Variants in ZNF507 observed in about 807,000 individuals in gnomAD.
The protein encoded by ZNF507 is zinc finger protein 507.
In ZNF507, 29 loss-of-function variants were observed where a neutral mutation model predicts 80.0. The observed-to-expected ratio is 0.36, with a 90% CI of 0.27 to 0.49. The LOEUF (loss-of-function observed/expected upper bound fraction) is 0.49. Among genes scored for constraint, ZNF507 ranks in the 20% least tolerant of loss-of-function variants. The pLI, the probability that ZNF507 is intolerant of heterozygous loss-of-function variation, is 0.98. For synonymous variants in ZNF507, 462 were observed against 422.5 expected (o/e 1.09, Z -1.15); for missense variants, 1,081 against 1,152.2 (o/e 0.94, Z 0.90).
At chr19:32,367,733 T>TA (rs973406706) in intron 5 of ZNF507, among the ~76,000 whole-genome samples, 3 of 152,092 alleles carry the variant, frequency 2.0e-5, no homozygotes, top group African/African-American at 7.2e-5. Flanking sequence ...GCACTAAAGC[T>TA]AAAAAAATCT....
At chr19:32,373,753 A>C (rs1244293130) in intron 5 of ZNF507, among the ~76,000 whole-genome samples, 1 of 152,216 alleles carries the variant, frequency 6.6e-6, no homozygotes, top group Non-Finnish European at 1.5e-5. Context: ...ATTCATTTAC[A>C]TGTATGTCTA....
chr19:32,349,488 C>CT (rs748705533), intron 2 of ZNF507, among the ~76,000 whole-genome samples: 38 of 152,184 alleles, frequency 2.5e-4, no homozygotes, highest in Admixed American at 4.6e-4. Flanking sequence ...TTTATTTTAC[C>CT]TTGTGTACCA....
intron 3 of ZNF507, 83 bp from the exon 4 acceptor site, chr19:32,356,533 G>A: frequency 5.5e-6 from 5 of 909,952 alleles, no homozygotes; most frequent in Non-Finnish European, 7.0e-6. Flanking sequence ...GGCCATGAAA[G>A]CAATGAACCT....
intron 4 of ZNF507, chr19:32,358,073 T>C (rs529667375): frequency 7.9e-5 from 12 of 152,360 alleles, no homozygotes; most frequent in Admixed American, 5.9e-4. Flanking sequence ...CTTTTCTTTG[T>C]GGCTCATGCT....
intron 2 of ZNF507, 144 bp from the exon 3 acceptor site, chr19:32,352,685 G>A (rs1054744034): frequency 9.6e-6 from 6 of 626,300 alleles, no homozygotes; most frequent in African/African-American, 5.6e-5. Context: ...ACTGGGGATC[G>A]CCGGGTGTGT....
At chr19:32,373,942 C>G (rs1253945068) in intron 5 of ZNF507, among the ~76,000 whole-genome samples, 1 of 152,108 alleles carries the variant, frequency 6.6e-6, no homozygotes, top group African/African-American at 2.4e-5. Flanking sequence ...GCACAATGAC[C>G]AGTCACCAGC....
At chr19:32,367,971 C>T (rs1967421281) in intron 5 of ZNF507, among the ~76,000 whole-genome samples, 1 of 152,168 alleles carries the variant, frequency 6.6e-6, no homozygotes, top group Non-Finnish European at 1.5e-5. Context: ...CAGCCCAGTA[C>T]TTAGGAATAT....
In ZNF507 at chr19:32,354,968, G is replaced by A. The variant is rs200631183; in HGVS notation, c.2127+11G>A. The A allele has an allele frequency of 6.3e-7, 1 of 1,575,634 alleles. No individual in the cohort carries two copies. Among genetic ancestry groups the A allele is most frequent in the East Asian group, 2.2e-5 (1 of 44,454 alleles). ...TCCTTCCATTATAAGGTAAGCATTG[G>A]TTCAGGAAGTCTTTCAGAGGACCTT... On this transcript the variant is annotated intron_variant, in intron 3 of 6. Transcript: ENST00000355898.
chr19:32,361,423 T>C (rs1379049794), intron 5 of ZNF507, among the ~76,000 whole-genome samples: 1 of 152,198 alleles, frequency 6.6e-6, no homozygotes, highest in African/African-American at 2.4e-5. Context: ...TGTATTAATC[T>C]CAATGAAAAC....
chr19:32,355,892 G>A (rs952108366), intron 3 of ZNF507, among the ~76,000 whole-genome samples: 3 of 152,054 alleles, frequency 2.0e-5, no homozygotes, highest in Non-Finnish European at 4.4e-5. Context: ...CCAGCTACTC[G>A]GGAGGCTAAG....
At chr19:32,361,084 A>AT (rs1389240929) in intron 5 of ZNF507, among the ~76,000 whole-genome samples, 1 of 152,206 alleles carries the variant, frequency 6.6e-6, no homozygotes, top group Non-Finnish European at 1.5e-5. Flanking sequence ...TTTCATAGCA[A>AT]TTTTCAATGC....
intron 5 of ZNF507, among the ~76,000 whole-genome samples, chr19:32,374,346 A>C (rs1000373598): frequency 7.9e-5 from 12 of 152,022 alleles, no homozygotes; most frequent in Admixed American, 1.3e-4. Context: ...ACGGAATGTT[A>C]GTTTTGTGGC....
At position 32,374,345 on chromosome 19, in the gene ZNF507, T is replaced by C. The variant is rs115973364; in HGVS notation, c.2361-8122T>C. 8.0e-3 allele frequency among the ~76,000 whole-genome samples: 1,213 copies of C among 152,330 alleles called. 19 individuals are homozygous for C. The highest frequency in any genetic ancestry group is 0.028 in the African/African-American group (1,149 of 41,568). ...AAAGTTGTTGATCTGGACGGAATGT[T>C]AGTTTTGTGGCTTTATTGAGTTATT... On this transcript the variant is annotated intron_variant, in intron 5 of 6. Coordinates refer to ENST00000355898, the MANE Select transcript of ZNF507 (RefSeq NM_001136156.2).
Position 32,385,206 on chromosome 19 carries a change from TTAAAC to T in ZNF507, c.*2127_*2131del, listed in dbSNP as rs1266105846. On this transcript the variant is annotated 3_prime_UTR_variant, in exon 7 of 7. Transcript: ENST00000355898. The stretch of plus-strand genomic sequence containing the variant: ...GAATTTTTAAATTACCTTTATTTCT[TTAAAC>T]TAATTCCATTGATTGTTACTTAAAT... The T allele has an allele frequency of 2.0e-5, 3 of 152,198 alleles. No individual in the cohort carries two copies. The highest frequency in any genetic ancestry group is 4.8e-5 in the African/African-American group (2 of 41,458). The allele number at this position is 152,198 out of a possible 1,614,324, so 9.4% of individuals were successfully genotyped here. A position where few individuals can be genotyped will look rare whatever the true frequency, so the allele number is the denominator to read the frequency against.
chr19:32,373,462 C>G (rs1487152511), intron 5 of ZNF507, among the ~76,000 whole-genome samples: 2 of 152,180 alleles, frequency 1.3e-5, no homozygotes, highest in Non-Finnish European at 2.9e-5. Flanking sequence ...GTGGTTTGAA[C>G]AGTGCTTGCC....
chr19:32,383,074 C>A lies in ZNF507; in HGVS notation c.2853C>A (p.Asn951Lys), dbSNP rs1178530720. 3.1e-6 allele frequency: 5 copies of A among 1,611,038 alleles called. No individual in the cohort carries two copies. The African/African-American group carries it at 6.7e-5, about 22-fold the overall frequency. Residue 951 changes from asparagine to lysine, a missense_variant, in exon 7 of 7, where the codon AAC becomes AAA. Asn to Lys is a moderately conservative substitution (Grantham distance 94). Transcript: ENST00000355898. ...ATAAGGACCACAATACAGCTCTAAA[C>A]ACAAATTAGGTGGAATAATGACTCG... ...ILNKDHNTAL[N>K]TN is the part of the protein sequence containing the mutation.
chr19:32,350,031 T>C (rs1263753512), intron 2 of ZNF507, among the ~76,000 whole-genome samples: 2 of 152,192 alleles, frequency 1.3e-5, no homozygotes, highest in African/African-American at 2.4e-5. Context: ...ATTGTATGTA[T>C]ACTCCTTATT....
intron 5 of ZNF507, among the ~76,000 whole-genome samples, chr19:32,371,192 C>T (rs755465882): frequency 2.0e-5 from 3 of 151,980 alleles, no homozygotes; most frequent in Admixed American, 6.6e-5. Context: ...TGGCTGTGCC[C>T]AGCCGGGCGC....
At chr19:32,376,517 G>A (rs1427319209) in intron 5 of ZNF507, among the ~76,000 whole-genome samples, 3 of 152,170 alleles carry the variant, frequency 2.0e-5, no homozygotes, top group African/African-American at 7.2e-5. Context: ...GTGGCAGCAG[G>A]ACACGGGACC....
Sources: gnomAD v4.1 joint callset for allele counts (sites outside exome capture counted in the v4.1 genomes callset) on GRCh38, gnomAD v4.1.1 for gene constraint, MANE v1.5 for transcripts, NCBI Gene and HGNC (gene_info 2026-07-23, HGNC 2026-07-21) for gene names.